TRDN: variants seen among roughly 807,000 people sequenced by gnomAD.
TRDN encodes triadin, also known as triadin in skeletal muscle.
A neutral mutation model predicts 149.7 loss-of-function variants in TRDN; 161 were observed. The observed-to-expected ratio is 1.08, with a 90% CI of 0.95 to 1.23. TRDN has a LOEUF of 1.23. Among genes scored for constraint, TRDN ranks in the 50% most tolerant of loss-of-function variants. The pLI, the probability that TRDN is intolerant of heterozygous loss-of-function variation, is 0.00. For missense variants in TRDN, 896 were observed against 823.5 expected (o/e 1.09, Z -1.08); for synonymous variants, 294 against 250.5 (o/e 1.17, Z -1.64).
At chr6:123,290,843 A>G (rs1236036311) in intron 24 of TRDN, among the ~76,000 whole-genome samples, 3 of 152,196 alleles carry the variant, frequency 2.0e-5, no homozygotes, top group African/African-American at 7.2e-5. Flanking sequence ...AGAGAGATGT[A>G]AAGAATGTTA....
chr6:123,596,067 A>C (rs1784024465), intron 1 of TRDN, among the ~76,000 whole-genome samples: 1 of 152,134 alleles, frequency 6.6e-6, no homozygotes. Flanking sequence ...CTTTTGCACC[A>C]AACAGCTAAG....
chr6:123,625,444 G>A (rs57337838), intron 1 of TRDN, among the ~76,000 whole-genome samples: 71,533 of 151,994 alleles, frequency 0.47, 20,697 homozygotes, highest in African/African-American at 0.82. Flanking sequence ...TTAAAAAGCA[G>A]TGTAAGACCT....
intron 1 of TRDN, among the ~76,000 whole-genome samples, chr6:123,607,770 T>C (rs1304888592): frequency 6.6e-6 from 1 of 152,200 alleles, no homozygotes; most frequent in African/African-American, 2.4e-5. Context: ...TGTTAAGCTA[T>C]TTCATGGCTT....
intron 20 of TRDN, among the ~76,000 whole-genome samples, chr6:123,357,372 G>A (rs1780722143): frequency 6.6e-6 from 1 of 152,090 alleles, no homozygotes; most frequent in South Asian, 2.1e-4. Flanking sequence ...TTTAGGTATA[G>A]CCAATGATAT....
At position 123,636,835 on chromosome 6, in the gene TRDN, TATTTGGGG is replaced by T; in HGVS notation, c.-68_-61del. ...TCCCGTCAAGTTGCACTTTGCAGAGTATTTGGGGATTTGAGAACTCTGGTGGAGGGTTC... is the reference window on the plus strand; with the variant it reads ...TCCCGTCAAGTTGCACTTTGCAGAGTATTTGAGAACTCTGGTGGAGGGTTC... On this transcript the variant is annotated 5_prime_UTR_variant, in exon 1 of 41. Transcript: ENST00000334268. 6.2e-7 allele frequency: 1 copy of T among 1,606,326 alleles called. No homozygotes were observed. Among genetic ancestry groups the T allele is most frequent in the East Asian group, 2.2e-5 (1 of 44,588 alleles).
At chr6:123,370,916 T>C (rs1781299573) in intron 19 of TRDN, among the ~76,000 whole-genome samples, 1 of 151,502 alleles carries the variant, frequency 6.6e-6, no homozygotes, top group Non-Finnish European at 1.5e-5. Context: ...TCTTTGTCTT[T>C]TTTTTTTTTA....
chr6:123,464,948 C>T lies in TRDN; in HGVS notation c.889G>A (p.Glu297Lys). 7 of 1,599,222 alleles carry T rather than the reference C, an allele frequency of 4.4e-6. No homozygotes were observed. The highest frequency in any genetic ancestry group is 6.0e-6 in the Non-Finnish European group (7 of 1,172,774). ...GCCGGAGTGGGTCTGGAAGCTTGTT[C>T]TGTCGGTAAGGGAGGTGGAATGGCT... ...SPAIPPPLPT[E>K]QASRPTPASP... Residue 297 changes from glutamate to lysine, a missense_variant, in exon 10 of 41, where the codon GAA (glutamate) becomes AAA (lysine). By Grantham distance (56) the Glu-to-Lys change is moderately conservative. Transcript: ENST00000334268.
chr6:123,565,293 A>G (rs1254886636), intron 2 of TRDN, among the ~76,000 whole-genome samples: 2 of 152,130 alleles, frequency 1.3e-5, no homozygotes, highest in Non-Finnish European at 2.9e-5. Context: ...AATTACTAAG[A>G]GAGCAACGTT....
At chr6:123,373,807 C>A (rs763459168) in intron 19 of TRDN, among the ~76,000 whole-genome samples, 1 of 152,098 alleles carries the variant, frequency 6.6e-6, no homozygotes, top group East Asian at 1.9e-4. Flanking sequence ...AATCATATCT[C>A]AAATGTGCAG....
chr6:123,351,673 TC>T, intron 21 of TRDN: 4 of 945,650 alleles, frequency 4.2e-6, no homozygotes, highest in Non-Finnish European at 5.0e-6. Flanking sequence ...TATATTTATG[TC>T]AAAAGATCTT....
At chr6:123,339,613 G>A (rs1779996835) in intron 21 of TRDN, among the ~76,000 whole-genome samples, 4 of 152,262 alleles carry the variant, frequency 2.6e-5, no homozygotes, top group Admixed American at 2.6e-4. Context: ...CTAGTAGCTT[G>A]TTTTTTCAAA....
At chr6:123,523,195 T>C (rs772155789) in intron 5 of TRDN, among the ~76,000 whole-genome samples, 11 of 152,116 alleles carry the variant, frequency 7.2e-5, no homozygotes, top group Non-Finnish European at 1.6e-4. Flanking sequence ...AGCAGGCTTT[T>C]GCCAAGGGAC....
At chr6:123,557,585 C>A (rs1015419193) in intron 2 of TRDN, among the ~76,000 whole-genome samples, 32 of 152,234 alleles carry the variant, frequency 2.1e-4, no homozygotes, top group African/African-American at 7.5e-4. Flanking sequence ...AACTCCGGAG[C>A]CGGTCACGGA....
chr6:123,336,416 A>G (rs1246765751), intron 22 of TRDN, among the ~76,000 whole-genome samples: 1 of 152,016 alleles, frequency 6.6e-6, no homozygotes, highest in East Asian at 1.9e-4. Flanking sequence ...GAGTAGATGC[A>G]CCACTTTTGG....
intron 38 of TRDN, among the ~76,000 whole-genome samples, chr6:123,235,197 A>T (rs1011015588): frequency 6.6e-6 from 1 of 152,134 alleles, no homozygotes; most frequent in Non-Finnish European, 1.5e-5. Flanking sequence ...AGTCTGAGAG[A>T]TGGGGATCAG....
intron 19 of TRDN, among the ~76,000 whole-genome samples, chr6:123,373,500 G>T (rs1781399083): frequency 6.6e-6 from 1 of 152,112 alleles, no homozygotes; most frequent in African/African-American, 2.4e-5. Flanking sequence ...GGTGATGTAC[G>T]TCCCAAGCTT....
Position 123,331,983 on chromosome 6 carries a change from T to C in TRDN, c.1421-54A>G, listed in dbSNP as rs997883152. 7 of 1,350,226 alleles carry C rather than the reference T, an allele frequency of 5.2e-6. No homozygotes were observed. In the African/African-American group the frequency reaches 8.9e-5, roughly 17 times the overall value. 83.6% of individuals were successfully genotyped at this position (1,350,226 alleles called of 1,614,324 possible). ...AAGCCAAGACAAAGAGATTTTCAGA[T>C]ACCTATAAATGAAGTCAGTAAGCTG... On this transcript the variant is annotated intron_variant, in intron 22 of 40. Transcript: ENST00000334268.
chr6:123,284,192 C>T (rs1777719883), intron 24 of TRDN, among the ~76,000 whole-genome samples: 1 of 146,530 alleles, frequency 6.8e-6, no homozygotes, highest in Non-Finnish European at 1.5e-5. Context: ...CTAATACAAA[C>T]AAGAAAGGGA....
chr6:123,568,687 G>T (rs1345422977), intron 2 of TRDN, among the ~76,000 whole-genome samples: 1 of 152,174 alleles, frequency 6.6e-6, no homozygotes, highest in East Asian at 1.9e-4. Flanking sequence ...GCCACAGCTG[G>T]ACCCAGAGCA....
Sources: gnomAD v4.1 joint callset for allele counts (sites outside exome capture counted in the v4.1 genomes callset) on GRCh38, gnomAD v4.1.1 for gene constraint, MANE v1.5 for transcripts, NCBI Gene and HGNC (gene_info 2026-07-23, HGNC 2026-07-21) for gene names.